MGAM: variants seen among roughly 807,000 people sequenced by gnomAD.
MGAM encodes the protein alpha-1,4-glucosidase.
In MGAM, 253 loss-of-function variants were observed where a neutral mutation model predicts 358.8. The ratio of observed to expected loss-of-function variants is 0.71; its 90% confidence interval spans 0.64 to 0.78. The LOEUF (loss-of-function observed/expected upper bound fraction) is 0.78. Among genes scored for constraint, MGAM ranks in the 30% least tolerant of loss-of-function variants. The pLI, the probability that MGAM is intolerant of heterozygous loss-of-function variation, is 0.00. For missense variants in MGAM, 3,080 were observed against 3,432.6 expected, an observed-to-expected ratio of 0.90 and a Z score of 2.57; for synonymous variants, 1,105 against 1,227.1, an observed-to-expected ratio of 0.90 and a Z score of 2.08.
At position 142,078,480 on chromosome 7, in the gene MGAM, C is replaced by G. The variant is rs772570650; in HGVS notation, c.5646+10C>G. The G allele has an allele frequency of 6.5e-7, 1 of 1,537,028 alleles. No homozygotes were observed. Among genetic ancestry groups the G allele is most frequent in the Non-Finnish European group, 8.9e-7 (1 of 1,122,326 alleles). On this transcript the variant is annotated intron_variant, in intron 48 of 70. Transcript: ENST00000475668. Reference sequence around the variant, plus strand: ...TGGCTGTATCTGGGAGGTAACCATGCTGATGGGGTTCATGTGCATGAAAAT... The same window carrying G: ...TGGCTGTATCTGGGAGGTAACCATGGTGATGGGGTTCATGTGCATGAAAAT...
At chr7:142,028,953 T>C (rs1275964602) in intron 10 of MGAM, among the ~76,000 whole-genome samples, 2 of 152,078 alleles carry the variant, frequency 1.3e-5, no homozygotes, top group African/African-American at 2.4e-5. Flanking sequence ...CAAAGGACAA[T>C]TAACACAGCC....
intron 21 of MGAM, among the ~76,000 whole-genome samples, chr7:142,041,941 TA>T (rs1808694860): frequency 6.5e-5 from 1 of 15,340 alleles, no homozygotes; most frequent in Non-Finnish European, 1.4e-4. Flanking sequence ...ATATATATTA[TA>T]TATATACATA....
Position 142,095,674 on chromosome 7 carries a change from A to T in MGAM, c.7568A>T (p.His2523Leu). 4 of 1,613,986 alleles carry T rather than the reference A, an allele frequency of 2.5e-6. No individual in the cohort carries two copies. Among genetic ancestry groups the T allele is most frequent in the Non-Finnish European group, 2.5e-6 (3 of 1,179,872 alleles). ...CTGTATACCTTGATGCATAAGGCCCACACGGAGGGCGTCACTGTTGTGCGG... is the reference window on the plus strand; with the variant it reads ...CTGTATACCTTGATGCATAAGGCCCTCACGGAGGGCGTCACTGTTGTGCGG... ...PYLYTLMHKA[H>L]TEGVTVVRPL... Residue 2523 changes from histidine to leucine, a missense_variant, in exon 64 of 71, where the codon CAC (histidine) becomes CTC (leucine). By Grantham distance (99) the His-to-Leu change is moderately conservative. Transcript: ENST00000475668.
intron 44 of MGAM, among the ~76,000 whole-genome samples, chr7:142,073,411 C>T (rs531258349): frequency 6.8e-6 from 1 of 146,022 alleles, no homozygotes; most frequent in Non-Finnish European, 1.6e-5. Flanking sequence ...GAGCAGGAAA[C>T]TGAGAGGTTG....
At chr7:142,073,987 G>A in intron 44 of MGAM, 98 bp from the exon 45 acceptor site, 2 of 875,876 alleles carry the variant, frequency 2.3e-6, no homozygotes, top group Non-Finnish European at 3.6e-6. Context: ...TCTGCTGCTA[G>A]TATCTTTTCC....
chr7:142,034,461 C>T, intron 15 of MGAM, 82 bp downstream of exon 15: 1 of 1,101,398 alleles, frequency 9.1e-7, no homozygotes, highest in Non-Finnish European at 1.3e-6. Flanking sequence ...GATTATGGGG[C>T]TAATGCATAA....
At chr7:142,098,657 G>A (rs888121018) in intron 66 of MGAM, among the ~76,000 whole-genome samples, 3 of 152,116 alleles carry the variant, frequency 2.0e-5, no homozygotes, top group African/African-American at 7.2e-5. Context: ...AACATGTTAA[G>A]GCTCTGCTAT....
intron 68 of MGAM, among the ~76,000 whole-genome samples, chr7:142,101,680 C>T (rs945567665): frequency 5.9e-5 from 9 of 151,398 alleles, no homozygotes; most frequent in East Asian, 1.9e-4. Context: ...CCGAGGCAGC[C>T]GGATCACCTG....
intron 21 of MGAM, among the ~76,000 whole-genome samples, chr7:142,044,273 A>T (rs1809634592): frequency 8.8e-6 from 1 of 113,508 alleles, no homozygotes; most frequent in African/African-American, 2.7e-5. Context: ...TATATACATT[A>T]TATACACATA....
Position 142,099,620 on chromosome 7 carries a change from A to T in MGAM, c.7757A>T (p.Asp2586Val). ...ARWYDYYTGV[D>V]INARGEWKTL... is the part of the protein sequence containing the mutation. ...ACCTTCTTCTGCCTCCAGGGTGTGGATATTAATGCAAGAGGAGAGTGGAAG... is the reference window on the plus strand; with the variant it reads ...ACCTTCTTCTGCCTCCAGGGTGTGGTTATTAATGCAAGAGGAGAGTGGAAG... The change falls in exon 67 of 71, where the codon GAT (aspartate) becomes GTT (valine). Residue 2586 changes from aspartate to valine, a missense_variant. Physicochemically the swap from Asp to Val is radical, Grantham distance 152. Around this residue, in one of 5 missense-constraint regions of MGAM, gnomAD observed 932 missense variants for 1,198.2 expected, o/e 0.78. Transcript: ENST00000475668. 6.2e-7 allele frequency: 1 copy of T among 1,613,858 alleles called. No individual in the cohort carries two copies. Among genetic ancestry groups the T allele is most frequent in the Non-Finnish European group, 8.5e-7 (1 of 1,179,806 alleles).
rs1554452062 is a variant in MGAM, at chr7:142,005,562, C to A, written c.32C>A (p.Thr11Asn). 6.4e-7 allele frequency: 1 copy of A among 1,573,430 alleles called. No homozygotes were observed. The highest frequency in any genetic ancestry group is 1.9e-5 in the Admixed American group (1 of 51,744). The change falls in exon 2 of 71, where the codon ACT becomes AAT. Residue 11 changes from threonine to asparagine, a missense_variant. Thr to Asn is a moderately conservative substitution (Grantham distance 65). This residue lies in a region of MGAM where 1,816 missense variants were observed against 1,840.5 expected (regional missense o/e 0.99). Coordinates refer to ENST00000475668, the MANE Select transcript of MGAM (RefSeq NM_001365693.1). ...AGAAAGAAGCTGAAAAAATTTACTA[C>A]TTTGGAGATTGTGCTCAGTGTTCTT... MARKKLKKFT[T>N]LEIVLSVLLL... is the part of the protein sequence containing the mutation.
intron 1 of MGAM, among the ~76,000 whole-genome samples, chr7:142,000,506 C>A (rs962891444): frequency 6.6e-6 from 1 of 152,178 alleles, no homozygotes; most frequent in African/African-American, 2.4e-5. Context: ...TCACTAAGTC[C>A]AGCTCATCCT....
At position 142,008,604 on chromosome 7, in the gene MGAM, C is replaced by T. The variant is rs369561557; in HGVS notation, c.226C>T (p.Pro76Ser). The T allele has an allele frequency of 6.2e-7, 1 of 1,613,286 alleles. No homozygotes were observed. The highest frequency in any genetic ancestry group is 1.3e-5 in the African/African-American group (1 of 74,892). The change falls in exon 3 of 71, where the codon CCA (proline) becomes TCA (serine). Residue 76 changes from proline to serine, a missense_variant. Around this residue, in one of 5 missense-constraint regions of MGAM, gnomAD observed 1,816 missense variants for 1,840.5 expected, o/e 0.99. Coordinates refer to ENST00000475668, the MANE Select transcript of MGAM (RefSeq NM_001365693.1). ...GTTHARTTGPPDPGTTGTTPV... is the reference protein window; with the variant it reads ...GTTHARTTGPSDPGTTGTTPV... ...CACACATGCTAGGACAACGGGTCCC[C>T]CAGATCCTGGAACAACTGGTACCAC...
chr7:142,093,491 G>T lies in MGAM; in HGVS notation c.7113G>T (p.Pro2371=). The T allele has an allele frequency of 6.6e-7, 1 of 1,516,940 alleles. No individual in the cohort carries two copies. The allele number at this position is 1,516,940 out of a possible 1,614,324, so 94.0% of individuals were successfully genotyped here. A position where few individuals can be genotyped will look rare whatever the true frequency, so the allele number is the denominator to read the frequency against. ...ESQQILPDGS[P]VQHYNVHNLY... ...AGCAGATCCTCCCAGACGGCTCCCC[G>T]GTGCAGCACTACAATGTGCACAACC... Residue 2371 remains proline, a synonymous_variant, in exon 60 of 71, where the codon CCG becomes CCT. Coordinates refer to ENST00000475668, the MANE Select transcript of MGAM (RefSeq NM_001365693.1).
At chr7:142,104,567 T>C (rs1289195213) in intron 70 of MGAM, among the ~76,000 whole-genome samples, 3 of 152,230 alleles carry the variant, frequency 2.0e-5, no homozygotes, top group Non-Finnish European at 2.9e-5. Flanking sequence ...TTTATATACA[T>C]TTTCATCCTA....
At chr7:142,025,801 G>A (rs1806911407) in intron 8 of MGAM, among the ~76,000 whole-genome samples, 1 of 152,058 alleles carries the variant, frequency 6.6e-6, no homozygotes, top group Non-Finnish European at 1.5e-5. Flanking sequence ...ACAAAATAAA[G>A]ATCTGATTCT....
At chr7:142,038,667 C>A in intron 19 of MGAM, 52 bp downstream of exon 19, 2 of 1,316,790 alleles carry the variant, frequency 1.5e-6, no homozygotes, top group South Asian at 1.4e-5. Context: ...GTATCTGCTG[C>A]CCTGCAAACT....
intron 36 of MGAM, 59 bp downstream of exon 36, chr7:142,063,645 G>A: frequency 6.4e-7 from 1 of 1,573,254 alleles, no homozygotes; most frequent in South Asian, 1.2e-5. Context: ...TACACTGGAG[G>A]AGCCCGAGGC....
Position 142,084,559 on chromosome 7 carries a change from G to A in MGAM, c.6422G>A (p.Gly2141Glu), listed in dbSNP as rs764180574. The A allele has an allele frequency of 6.4e-7, 1 of 1,556,012 alleles. No individual in the cohort carries two copies. Among genetic ancestry groups the A allele is most frequent in the South Asian group, 1.1e-5 (1 of 89,198 alleles). The change falls in exon 54 of 71, where the codon GGG becomes GAG. Residue 2141 changes from glycine to glutamate, a missense_variant. Transcript: ENST00000475668. ...GTGATGGTACCTTACTGGTCTTTGG[G>A]GTTCCAGCTGTGTCGCTATGGCTAC... The part of the protein sequence containing the change: ...RPVMVPYWSL[G>E]FQLCRYGYQN...
Sources: allele counts gnomAD v4.1 joint callset (sites outside exome capture counted in the v4.1 genomes callset), GRCh38; gene constraint gnomAD v4.1.1; regional missense constraint gnomAD v4.1.1; transcripts MANE v1.5; gene names NCBI Gene and HGNC (gene_info 2026-07-23, HGNC 2026-07-21).